ROBO1: variants seen among roughly 807,000 people sequenced by gnomAD.
The protein encoded by ROBO1 is roundabout homolog 1.
A neutral mutation model predicts 195.9 loss-of-function variants in ROBO1; 149 were observed. The observed-to-expected ratio is 0.76, with a 90% confidence interval of 0.67 to 0.87. ROBO1 has a LOEUF of 0.87. ROBO1 is among the 40% of genes least tolerant of loss of function. The pLI, the probability that ROBO1 is intolerant of heterozygous loss-of-function variation, is 0.00. For missense variants in ROBO1, 1,933 were observed against 2,068.3 expected (o/e 0.93, Z 1.27); for synonymous variants, 816 against 733.2 (o/e 1.11, Z -1.82).
intron 3 of ROBO1, among the ~76,000 whole-genome samples, chr3:79,035,412 G>A (rs969595638): frequency 1.1e-4 from 16 of 152,040 alleles, no homozygotes; most frequent in African/African-American, 3.6e-4. Flanking sequence ...CTGAATTATT[G>A]ACGATATCCA....
At chr3:79,656,313 G>T (rs1329923762) in intron 1 of ROBO1, among the ~76,000 whole-genome samples, 6 of 151,332 alleles carry the variant, frequency 4.0e-5, no homozygotes, top group Non-Finnish European at 7.4e-5. Context: ...TAATAATAAT[G>T]AAATTACTAC....
chr3:79,520,737 T>TG (rs1366558088), intron 2 of ROBO1, among the ~76,000 whole-genome samples: 3 of 152,156 alleles, frequency 2.0e-5, no homozygotes, highest in African/African-American at 7.2e-5. Context: ...GGAAAAGAAT[T>TG]GGGGAAGTTA....
At chr3:79,530,057 T>A (rs1941584931) in intron 2 of ROBO1, among the ~76,000 whole-genome samples, 1 of 152,124 alleles carries the variant, frequency 6.6e-6, no homozygotes, top group African/African-American at 2.4e-5. Context: ...TCTTTGACAA[T>A]CAAAAGTTAA....
At chr3:79,687,861 C>A (rs1947175000) in intron 1 of ROBO1, among the ~76,000 whole-genome samples, 2 of 152,138 alleles carry the variant, frequency 1.3e-5, no homozygotes, top group Admixed American at 1.3e-4. Context: ...CCAGCCATCC[C>A]ATTACTGGGT....
At chr3:78,702,777 C>T (rs17303276) in intron 8 of ROBO1, among the ~76,000 whole-genome samples, 29,785 of 152,020 alleles carry the variant, frequency 0.2, 3,165 homozygotes, top group Non-Finnish European at 0.23. Context: ...GAAAACCTTA[C>T]CCACTGTTAT....
Position 78,614,708 on chromosome 3 carries a change from T to C in ROBO1, c.4375A>G (p.Arg1459Gly), listed in dbSNP as rs1385436253. The change falls in exon 28 of 31, where the codon AGA (arginine) becomes GGA (glycine). Residue 1459 changes from arginine (R) to glycine (G), a missense_variant. By Grantham distance (125) the Arg-to-Gly change is moderately radical. This residue lies in a region of ROBO1 where 1,737 missense variants were observed against 1,882.5 expected (regional missense o/e 0.92). Transcript: ENST00000464233. Reference protein sequence around the residue: ...NMSAAVMQKTRPAKKLKHQPG... With the variant: ...NMSAAVMQKTGPAKKLKHQPG... ...TGGTGTTTCAGTTTCTTGGCTGGTC[T>C]GGTTTTCTGCATTACGGCGGCACTC... is the stretch of plus-strand genomic sequence containing the variant. The C allele has an allele frequency of 1.2e-6, 2 of 1,613,640 alleles. No individual in the cohort carries two copies. Among genetic ancestry groups the C allele is most frequent in the East Asian group, 2.2e-5 (1 of 44,836 alleles).
At chr3:79,297,840 G>A (rs1443437994) in intron 2 of ROBO1, among the ~76,000 whole-genome samples, 1 of 151,924 alleles carries the variant, frequency 6.6e-6, no homozygotes, top group Admixed American at 6.6e-5. Context: ...ATACTATTCT[G>A]GAGGTACAAC....
intron 10 of ROBO1, among the ~76,000 whole-genome samples, chr3:78,675,884 C>T (rs1297666814): frequency 7.9e-5 from 12 of 152,232 alleles, no homozygotes; most frequent in South Asian, 2.1e-4. Flanking sequence ...AAGTGGGTCC[C>T]TGACCCCTGA....
chr3:79,584,676 T>C (rs73849625), intron 2 of ROBO1, among the ~76,000 whole-genome samples: 23,228 of 141,370 alleles, frequency 0.16, 2,752 homozygotes, highest in African/African-American at 0.35. Context: ...CGTACACACA[T>C]ACACACACTC....
intron 29 of ROBO1, among the ~76,000 whole-genome samples, chr3:78,605,981 C>T (rs1703438116): frequency 6.6e-6 from 1 of 152,164 alleles, no homozygotes; most frequent in Non-Finnish European, 1.5e-5. Flanking sequence ...ATATTTTATA[C>T]TTAGAGTGTT....
At chr3:79,341,732 G>T (rs969038344) in intron 2 of ROBO1, among the ~76,000 whole-genome samples, 1 of 152,010 alleles carries the variant, frequency 6.6e-6, no homozygotes, top group African/African-American at 2.4e-5. Context: ...TCTATTTATA[G>T]TAGTTTTTTC....
chr3:79,380,007 T>A (rs1332103855), intron 2 of ROBO1, among the ~76,000 whole-genome samples: 2 of 152,236 alleles, frequency 1.3e-5, no homozygotes, highest in Non-Finnish European at 2.9e-5. Flanking sequence ...CCAATACAAA[T>A]CATGGTTAGC....
At position 78,657,268 on chromosome 3, in the gene ROBO1, AC is replaced by A. The variant is rs1227442748; in HGVS notation, c.2443del (p.Val815PhefsTer48). 6.2e-7 allele frequency: 1 copy of A among 1,613,368 alleles called. No individual in the cohort carries two copies. Among genetic ancestry groups the A allele is most frequent in the Non-Finnish European group, 8.5e-7 (1 of 1,179,608 alleles). On this transcript the variant is annotated frameshift_variant and splice_region_variant, in exon 18 of 31. Transcript: ENST00000464233. LOFTEE classifies it high-confidence loss of function. The part of the protein sequence containing the change: ...TQNGMVQEYK[V>X]WCLGNETRYH... Reference sequence around the variant, plus strand: ...TCGAGTTTCATTGCCCAGACACCAAACCTGTAAGAAGCACATCACAAAAATC... The same window carrying A: ...TCGAGTTTCATTGCCCAGACACCAAACTGTAAGAAGCACATCACAAAAATC...
intron 4 of ROBO1, among the ~76,000 whole-genome samples, chr3:78,787,410 A>AT (rs1021843947): frequency 5.3e-5 from 8 of 151,758 alleles, no homozygotes; most frequent in African/African-American, 1.2e-4. Flanking sequence ...GCAAATCAGA[A>AT]TTTTTTTTTA....
At chr3:79,390,097 TAA>T (rs199809143) in intron 2 of ROBO1, among the ~76,000 whole-genome samples, 1 of 152,026 alleles carries the variant, frequency 6.6e-6, no homozygotes, top group Non-Finnish European at 1.5e-5. Flanking sequence ...GAAATATCAA[TAA>T]AAAATTCTAT....
At chr3:79,719,636 T>C (rs1702619802) in intron 1 of ROBO1, among the ~76,000 whole-genome samples, 1 of 152,164 alleles carries the variant, frequency 6.6e-6, no homozygotes, top group African/African-American at 2.4e-5. Context: ...CTATGTAATT[T>C]TGAGGTTATG....
intron 1 of ROBO1, among the ~76,000 whole-genome samples, chr3:79,703,567 T>TA (rs1947680984): frequency 6.6e-6 from 1 of 151,952 alleles, no homozygotes; most frequent in Non-Finnish European, 1.5e-5. Context: ...TTCATTACAA[T>TA]AAAAATAGCT....
chr3:79,092,975 A>C (rs2079506777), intron 3 of ROBO1, among the ~76,000 whole-genome samples: 1 of 152,172 alleles, frequency 6.6e-6, no homozygotes, highest in Non-Finnish European at 1.5e-5. Flanking sequence ...AATTCAATAA[A>C]TATTTTGTGT....
chr3:79,450,652 C>A (rs1342111375), intron 2 of ROBO1, among the ~76,000 whole-genome samples: 5 of 151,844 alleles, frequency 3.3e-5, no homozygotes, highest in Admixed American at 2.6e-4. Flanking sequence ...TATGAAAATG[C>A]TATTCTTAAT....
Sources: allele counts gnomAD v4.1 joint callset (sites outside exome capture counted in the v4.1 genomes callset), GRCh38; gene constraint gnomAD v4.1.1; regional missense constraint gnomAD v4.1.1; transcripts MANE v1.5; gene names NCBI Gene and HGNC (gene_info 2026-07-23, HGNC 2026-07-21).